The following PDE2A variants were observed in gnomAD, a reference collection of about 807,000 sequenced individuals.
PDE2A encodes the protein cGMP-dependent 3',5'-cyclic phosphodiesterase.
PDE2A carries 53 observed loss-of-function variants against 133.6 expected under a neutral mutation model. The ratio of observed to expected loss-of-function variants is 0.40; its 90% confidence interval spans 0.32 to 0.50. PDE2A has a LOEUF of 0.50. Among genes scored for constraint, PDE2A ranks in the 20% least tolerant of loss-of-function variants. The pLI is 0.73. For missense variants in PDE2A, 796 were observed against 1,232.4 expected (o/e 0.65, Z 5.30); for synonymous variants, 491 against 490.2 (o/e 1.00, Z -0.02).
chr11:72,663,457 A>G (rs1210227902), intron 1 of PDE2A, among the ~76,000 whole-genome samples: 2 of 152,170 alleles, frequency 1.3e-5, no homozygotes, highest in Non-Finnish European at 2.9e-5. Context: ...GGCCAGGTGC[A>G]GTGGTTCACG....
intron 2 of PDE2A, among the ~76,000 whole-genome samples, chr11:72,630,240 C>G (rs563331246): frequency 6.6e-6 from 1 of 152,228 alleles, no homozygotes; most frequent in South Asian, 2.1e-4. Flanking sequence ...AGCACAGTCC[C>G]GAGGCTCAAA....
chr11:72,655,682 T>C (rs1314329846), intron 1 of PDE2A, among the ~76,000 whole-genome samples: 3 of 152,186 alleles, frequency 2.0e-5, no homozygotes. Context: ...TCTGTATCTC[T>C]ACAGTGGAGT....
intron 20 of PDE2A, 121 bp from the exon 21 acceptor site, chr11:72,582,687 C>T (rs1365947266): frequency 1.3e-5 from 12 of 939,298 alleles, no homozygotes; most frequent in Middle Eastern, 3.4e-4. Context: ...TGGGCCACCA[C>T]GCTGTGGACT....
chr11:72,588,825 C>T lies in PDE2A; in HGVS notation c.1029G>A (p.Val343=). Residue 343 remains valine (V), a synonymous_variant, in exon 13 of 31, where the codon GTG becomes GTA. Coordinates refer to ENST00000334456, the MANE Select transcript of PDE2A (RefSeq NM_002599.5). ...VPVISRATDQ[V]VALACAFNKL... ...TGTTGAAGGCGCAGGCCAAGGCCACCACCTGGTCAGTGGCCCGGCTGATGA... is the reference window on the plus strand; with the variant it reads ...TGTTGAAGGCGCAGGCCAAGGCCACTACCTGGTCAGTGGCCCGGCTGATGA... 1 of 1,611,072 alleles carries T rather than the reference C, an allele frequency of 6.2e-7. No individual in the cohort carries two copies.
rs547348323 is a variant in PDE2A, at chr11:72,618,534, G to A, written c.145-9783C>T. On this transcript the variant is annotated intron_variant, in intron 2 of 30. Transcript: ENST00000334456. The stretch of plus-strand genomic sequence containing the variant: ...TCCTCCAGTGAGGGAGAGAGTTGGC[G>A]GAGACATGGCAGGCTCTGGGGCCCC... Among the ~76,000 whole-genome samples the A allele has an allele frequency of 5.9e-5, 9 of 152,320 alleles. No homozygotes were observed. In the East Asian group the frequency reaches 9.7e-4, roughly 16 times the overall value.
chr11:72,626,561 C>T (rs1020839520), intron 2 of PDE2A, among the ~76,000 whole-genome samples: 2 of 152,186 alleles, frequency 1.3e-5, no homozygotes, highest in Non-Finnish European at 2.9e-5. Flanking sequence ...CTGCCTACAG[C>T]GCGGCCCCTC....
chr11:72,638,013 TC>T (rs1858778852), intron 2 of PDE2A, among the ~76,000 whole-genome samples: 2 of 151,956 alleles, frequency 1.3e-5, no homozygotes, highest in African/African-American at 4.8e-5. Flanking sequence ...AGGGAGCAGG[TC>T]CCCAGCTGTG....
At chr11:72,647,438 G>A (rs1056519177) in intron 1 of PDE2A, among the ~76,000 whole-genome samples, 1 of 152,186 alleles carries the variant, frequency 6.6e-6, no homozygotes, top group African/African-American at 2.4e-5. Context: ...ATCCAGGCAG[G>A]CCTCCCTGGG....
At chr11:72,632,164 G>C (rs1296481819) in intron 2 of PDE2A, among the ~76,000 whole-genome samples, 1 of 152,152 alleles carries the variant, frequency 6.6e-6, no homozygotes, top group Non-Finnish European at 1.5e-5. Flanking sequence ...TTCCCTGCTG[G>C]TGTCCCCCTC....
At chr11:72,588,686 G>T in intron 13 of PDE2A, 98 bp downstream of exon 13, 1 of 1,184,072 alleles carries the variant, frequency 8.4e-7, no homozygotes, top group Non-Finnish European at 1.2e-6. Flanking sequence ...TGAGACAGTA[G>T]CCCCTGCCCA....
At chr11:72,642,807 T>G (rs1290971336) in intron 1 of PDE2A, among the ~76,000 whole-genome samples, 9 of 109,402 alleles carry the variant, frequency 8.2e-5, no homozygotes, top group Non-Finnish European at 1.2e-4. Context: ...ACCGGCGCAG[T>G]GGGGTGGGGT....
chr11:72,580,993 G>T lies in PDE2A; in HGVS notation c.2046-20C>A, dbSNP rs1399613839. On this transcript the variant is annotated intron_variant, in intron 23 of 30. Transcript: ENST00000334456. ...ATGTCCCTGGTTGAGAGGCAGAAAGGAGAAAAAAAAGAGGTCAGCCCACAG... is the reference window on the plus strand; with the variant it reads ...ATGTCCCTGGTTGAGAGGCAGAAAGTAGAAAAAAAAGAGGTCAGCCCACAG... 2.6e-6 allele frequency: 4 copies of T among 1,568,570 alleles called. No individual in the cohort carries two copies. In the African/African-American group the frequency reaches 4.1e-5, roughly 16 times the overall value.
intron 14 of PDE2A, 126 bp downstream of exon 14, chr11:72,585,944 A>T: frequency 1.5e-6 from 1 of 685,356 alleles, no homozygotes. Context: ...TTATGAGGTT[A>T]TGGAGCCACC....
In PDE2A at chr11:72,645,748, G is replaced by C. The variant is rs112087976; in HGVS notation, c.72-3422C>G. Among the ~76,000 whole-genome samples, 1,052 of 152,326 alleles carry C rather than the reference G, an allele frequency of 6.9e-3. 19 individuals carry two copies. The highest frequency in any genetic ancestry group is 0.024 in the African/African-American group (989 of 41,560). On this transcript the variant is annotated intron_variant, in intron 1 of 30. Transcript: ENST00000334456. ...GTGAGGGCCAGGGCTGGCCCCTACT[G>C]GCCGAGTGTATACATCTGGGGCTGG...
intron 1 of PDE2A, 38 bp downstream of exon 1, chr11:72,674,099 C>A: frequency 1.2e-6 from 2 of 1,602,414 alleles, no homozygotes; most frequent in Admixed American, 1.7e-5. Flanking sequence ...TGGCACCTCT[C>A]ACAGCCGCTC....
At position 72,642,239 on chromosome 11, in the gene PDE2A, C is replaced by T; in HGVS notation, c.144+15G>A. ...CACCCCGTTCTCCTGGTGCCCAGCG[C>T]GGGGGCCCCCCTACCTGCAGGCTGT... is the stretch of plus-strand genomic sequence containing the variant. On this transcript the variant is annotated intron_variant, in intron 2 of 30. Transcript: ENST00000334456. The T allele has an allele frequency of 6.7e-7, 1 of 1,496,332 alleles. No individual in the cohort carries two copies. Among genetic ancestry groups the T allele is most frequent in the Non-Finnish European group, 8.9e-7 (1 of 1,124,302 alleles). The allele number at this position is 1,496,332 out of a possible 1,614,324, so 92.7% of individuals were successfully genotyped here.
chr11:72,580,501 G>A (rs1287047742), intron 25 of PDE2A, 76 bp downstream of exon 25: 2 of 1,074,620 alleles, frequency 1.9e-6, no homozygotes, highest in East Asian at 2.6e-5. Flanking sequence ...TTGGGAATAG[G>A]AGGAGCTGGG....
At chr11:72,663,295 C>A (rs1169896489) in intron 1 of PDE2A, among the ~76,000 whole-genome samples, 1 of 152,134 alleles carries the variant, frequency 6.6e-6, no homozygotes, top group African/African-American at 2.4e-5. Context: ...GGGCACACTG[C>A]GTTCTGAGAA....
rs1176558338 is a variant in PDE2A at position 72,578,175 on chromosome 11, C to T, written c.2615+58G>A. On this transcript the variant is annotated intron_variant, in intron 30 of 30. Coordinates refer to ENST00000334456, the MANE Select transcript of PDE2A (RefSeq NM_002599.5). This position sits in a 1 kb window ranked among gnomAD's most constrained non-coding sequence, Gnocchi z 4.2. Reference sequence around the variant, plus strand: ...CAGCACCTGTGTTTCCTGTGATGTCCCCACTCCAGCCTACCCTCTCTGTGC... The same window carrying T: ...CAGCACCTGTGTTTCCTGTGATGTCTCCACTCCAGCCTACCCTCTCTGTGC... The T allele has an allele frequency of 6.4e-6, 7 of 1,095,508 alleles. No individual in the cohort carries two copies. Among genetic ancestry groups the T allele is most frequent in the African/African-American group, 1.5e-5 (1 of 65,976 alleles). 67.9% of individuals were successfully genotyped at this position (1,095,508 alleles called of 1,614,324 possible). A position where few individuals can be genotyped will look rare whatever the true frequency, so the allele number is the denominator to read the frequency against.
Sources: allele counts gnomAD v4.1 joint callset (sites outside exome capture counted in the v4.1 genomes callset), GRCh38; gene constraint gnomAD v4.1.1; non-coding constraint Gnocchi (gnomAD v3.1); transcripts MANE v1.5; gene names NCBI Gene and HGNC (gene_info 2026-07-23, HGNC 2026-07-21).